Variants in TSPAN14 observed in about 807,000 individuals in gnomAD.
The protein encoded by TSPAN14 is tetraspanin-14.
A neutral mutation model predicts 36.6 loss-of-function variants in TSPAN14; 16 were observed. The ratio of observed to expected loss-of-function variants is 0.44; its 90% confidence interval spans 0.30 to 0.66. The LOEUF is 0.66. Ranked by LOEUF, TSPAN14 falls within the 30% of genes least tolerant of loss-of-function variation. The pLI is 0.12. For synonymous variants in TSPAN14, 139 were observed against 143.8 expected, an observed-to-expected ratio of 0.97 and a Z score of 0.24; for missense variants, 231 against 355.1, an observed-to-expected ratio of 0.65 and a Z score of 2.81.
At chr10:80,465,184 T>A (rs554981407) in intron 1 of TSPAN14, among the ~76,000 whole-genome samples, 1 of 151,872 alleles carries the variant, frequency 6.6e-6, no homozygotes, top group South Asian at 2.1e-4. Flanking sequence ...TTCTGCCGAG[T>A]CTTCCCGGCC....
At chr10:80,458,339 C>T (rs111629267) in intron 1 of TSPAN14, among the ~76,000 whole-genome samples, 47 of 152,292 alleles carry the variant, frequency 3.1e-4, no homozygotes, top group African/African-American at 1.1e-3. Context: ...AAATTTTCCC[C>T]CTCAGGCCAC....
At chr10:80,505,557 A>G (rs1012402987) in intron 3 of TSPAN14, among the ~76,000 whole-genome samples, 1 of 152,234 alleles carries the variant, frequency 6.6e-6, no homozygotes, top group Non-Finnish European at 1.5e-5. Context: ...CTTTGCTTCC[A>G]GCAGGAGGAG....
chr10:80,520,445 A>G, exon 9 of TSPAN14: 1 of 424,408 alleles, frequency 2.4e-6, no homozygotes, highest in Non-Finnish European at 4.7e-6. Context: ...CCTCCTGTGC[A>G]CTCCCCACCT....
At chr10:80,487,581 G>T (rs1450448013) in intron 1 of TSPAN14, among the ~76,000 whole-genome samples, 1 of 152,116 alleles carries the variant, frequency 6.6e-6, no homozygotes, top group African/African-American at 2.4e-5. Flanking sequence ...TCTCTTCCTT[G>T]AGAGCTGCTT....
chr10:80,466,240 C>T lies in TSPAN14; in HGVS notation c.-18+11869C>T, dbSNP rs117305003. The stretch of plus-strand genomic sequence containing the variant: ...AGCCTCAGCCCCAGATAGGGTTGCA[C>T]CTTGGAGTGTCCTCATTTTATTTTA... On this transcript the variant is annotated intron_variant, in intron 1 of 8. Transcript: ENST00000429989. Among the ~76,000 whole-genome samples the T allele has an allele frequency of 3.8e-3, 571 of 152,236 alleles. 2 individuals carry two copies. Among genetic ancestry groups the T allele is most frequent in the Non-Finnish European group, 7.0e-3 (477 of 68,014 alleles).
At chr10:80,472,817 A>T (rs1846632447) in intron 1 of TSPAN14, among the ~76,000 whole-genome samples, 1 of 152,198 alleles carries the variant, frequency 6.6e-6, no homozygotes, top group South Asian at 2.1e-4. Flanking sequence ...TGCCGCTCAG[A>T]TTGTTCCAGA....
In TSPAN14 at chr10:80,479,766, G is replaced by C. The variant is rs1160162383; in HGVS notation, c.-17-9451G>C. ...TGTTCTTTTGGCTTAGGATTGACTT[G>C]GCGATGCGGGCTCTTTTTTGGTTCC... On this transcript the variant is annotated intron_variant, in intron 1 of 8. Coordinates refer to ENST00000429989, the Ensembl canonical transcript of TSPAN14. Among the ~76,000 whole-genome samples, 8 of 151,382 alleles carry C rather than the reference G, an allele frequency of 5.3e-5. No homozygotes were observed. In the South Asian group the frequency reaches 1.7e-3, roughly 32 times the overall value.
rs952744525 is a variant in TSPAN14 at position 80,509,054 on chromosome 10, A to C, written c.280-247A>C. On this transcript the variant is annotated intron_variant, in intron 4 of 8. Transcript: ENST00000429989. The surrounding 1 kb of genome is among the most constrained non-coding windows in gnomAD (Gnocchi z 4.7). ...GGAGCTTTCTCACACTTTTTCACGC[A>C]TTTGAGTGTTATCAGCAATGCAGTG... Among the ~76,000 whole-genome samples the C allele has an allele frequency of 3.3e-5, 5 of 152,194 alleles. No individual in the cohort carries two copies. In the South Asian group the frequency reaches 1.0e-3, roughly 32 times the overall value.
chr10:80,471,367 C>T (rs1846541958), intron 1 of TSPAN14, among the ~76,000 whole-genome samples: 1 of 152,090 alleles, frequency 6.6e-6, no homozygotes, highest in Non-Finnish European at 1.5e-5. Context: ...GGCCACAGGG[C>T]CCAGCCCAGT....
intron 1 of TSPAN14, among the ~76,000 whole-genome samples, chr10:80,457,058 A>T (rs1393794801): frequency 6.6e-6 from 1 of 152,114 alleles, no homozygotes; most frequent in East Asian, 1.9e-4. Flanking sequence ...ATGAAACTCC[A>T]TCTCAAAAAA....
At chr10:80,478,864 A>G (rs1847074398) in intron 1 of TSPAN14, among the ~76,000 whole-genome samples, 1 of 152,232 alleles carries the variant, frequency 6.6e-6, no homozygotes, top group Non-Finnish European at 1.5e-5. Context: ...TCCATTAAGA[A>G]TATAAAAATT....
chr10:80,503,383 A>C (rs1367818969), intron 2 of TSPAN14, among the ~76,000 whole-genome samples: 1 of 152,148 alleles, frequency 6.6e-6, no homozygotes, highest in Admixed American at 6.5e-5. Context: ...TACTCCGTGA[A>C]TATTTGTTGA....
intron 2 of TSPAN14, among the ~76,000 whole-genome samples, chr10:80,490,484 T>C (rs1412306906): frequency 1.3e-5 from 2 of 152,132 alleles, no homozygotes; most frequent in African/African-American, 4.8e-5. Context: ...AGATTGTGTA[T>C]TGTAGAAGCC....
At chr10:80,508,671 A>G (rs536763143) in intron 4 of TSPAN14, among the ~76,000 whole-genome samples, 2 of 152,266 alleles carry the variant, frequency 1.3e-5, no homozygotes, top group East Asian at 3.9e-4. Flanking sequence ...CAGAGTTGGT[A>G]CAGATAACAT....
chr10:80,513,997 A>C (rs764125981), intron 6 of TSPAN14, 22 bp from the exon 7 acceptor site: 1 of 1,612,516 alleles, frequency 6.2e-7, no homozygotes, highest in African/African-American at 1.3e-5. Context: ...AGAAGCAACT[A>C]ATTTTTCTGC....
intron 5 of TSPAN14, among the ~76,000 whole-genome samples, chr10:80,510,596 C>T (rs568383171): frequency 1.2e-4 from 18 of 152,266 alleles, no homozygotes; most frequent in South Asian, 4.1e-4. Context: ...AACTTCTGGC[C>T]GGGCGCGGTG....
Position 80,509,285 on chromosome 10 carries a change from T to C in TSPAN14, c.280-16T>C, listed in dbSNP as rs1168409061. 1 of 1,611,184 alleles carries C rather than the reference T, an allele frequency of 6.2e-7. No individual in the cohort carries two copies. The highest frequency in any genetic ancestry group is 8.5e-7 in the Non-Finnish European group (1 of 1,178,788). On this transcript the variant is annotated splice_polypyrimidine_tract_variant and intron_variant, in intron 4 of 8. Coordinates refer to ENST00000429989, the Ensembl canonical transcript of TSPAN14. This position sits in a 1 kb window ranked among gnomAD's most constrained non-coding sequence, Gnocchi z 4.7. ...GGTGGGGTGGTGACTTCTGCTCCCGTCCCCTTCCCCTGCAGTTCTGTGGCA... is the reference window on the plus strand; with the variant it reads ...GGTGGGGTGGTGACTTCTGCTCCCGCCCCCTTCCCCTGCAGTTCTGTGGCA...
chr10:80,481,186 G>C (rs182368149), intron 1 of TSPAN14, among the ~76,000 whole-genome samples: 1 of 152,134 alleles, frequency 6.6e-6, no homozygotes, highest in African/African-American at 2.4e-5. Flanking sequence ...GAAGAAACTC[G>C]TGAAGGTGAA....
chr10:80,515,672 G>A (rs1202296843), intron 7 of TSPAN14: 1 of 156,658 alleles, frequency 6.4e-6, no homozygotes, highest in Non-Finnish European at 1.4e-5. Flanking sequence ...GGGCAGGGCT[G>A]GGGTGTGTGC....
Sources: gnomAD v4.1 joint callset for allele counts (sites outside exome capture counted in the v4.1 genomes callset) on GRCh38, gnomAD v4.1.1 for gene constraint, Gnocchi (gnomAD v3.1) non-coding constraint, MANE v1.5 for transcripts, NCBI Gene and HGNC (gene_info 2026-07-23, HGNC 2026-07-21) for gene names.